Variants in GPC5 observed in about 807,000 individuals in gnomAD.
GPC5 encodes glypican 5.
A neutral mutation model predicts 53.9 loss-of-function variants in GPC5; 47 were observed. That is an observed-to-expected ratio of 0.87 (90% CI 0.69 to 1.11). The LOEUF (loss-of-function observed/expected upper bound fraction) is 1.11, where lower values mean the gene tolerates loss of function less well. GPC5 is among the 50% of genes most tolerant of loss of function. GPC5 has a pLI of 0.00. For synonymous variants in GPC5, 286 were observed against 263.3 expected, an observed-to-expected ratio of 1.09 and a Z score of -0.84; for missense variants, 748 against 713.1, an observed-to-expected ratio of 1.05 and a Z score of -0.56.
intron 7 of GPC5, among the ~76,000 whole-genome samples, chr13:92,209,184 CTG>C (rs1202263429): frequency 2.6e-5 from 4 of 152,186 alleles, no homozygotes; most frequent in Non-Finnish European, 5.9e-5. Flanking sequence ...GCTTAAATCT[CTG>C]TCAGTTATTT....
chr13:91,638,808 C>T (rs567565564), intron 2 of GPC5, among the ~76,000 whole-genome samples: 3 of 152,250 alleles, frequency 2.0e-5, no homozygotes, highest in African/African-American at 7.2e-5. Flanking sequence ...CGTTAGCTAA[C>T]GTATTATACC....
intron 2 of GPC5, among the ~76,000 whole-genome samples, chr13:91,501,855 T>C (rs890374639): frequency 3.3e-5 from 5 of 152,168 alleles, no homozygotes; most frequent in Non-Finnish European, 4.4e-5. Flanking sequence ...AGTTTACAGT[T>C]CCACCAACAG....
intron 7 of GPC5, among the ~76,000 whole-genome samples, chr13:92,462,975 A>G (rs1016820509): frequency 1.3e-5 from 2 of 152,124 alleles, no homozygotes; most frequent in African/African-American, 4.8e-5. Flanking sequence ...GTCAGAAAGC[A>G]TGGCAAAGAC....
At chr13:91,469,539 T>C (rs1198035605) in intron 2 of GPC5, among the ~76,000 whole-genome samples, 2 of 152,128 alleles carry the variant, frequency 1.3e-5, no homozygotes, top group African/African-American at 4.8e-5. Context: ...GTGCTAGTCT[T>C]ACAGGTGTGA....
At chr13:91,949,502 A>C (rs1370189662) in intron 6 of GPC5, among the ~76,000 whole-genome samples, 5 of 152,222 alleles carry the variant, frequency 3.3e-5, no homozygotes. Flanking sequence ...ATGGTTCAGG[A>C]GATACCTTTC....
At chr13:91,516,734 C>A (rs1219922944) in intron 2 of GPC5, among the ~76,000 whole-genome samples, 1 of 152,206 alleles carries the variant, frequency 6.6e-6, no homozygotes, top group Non-Finnish European at 1.5e-5. Flanking sequence ...TGCAGATGTT[C>A]TTCATGAGGG....
chr13:92,248,751 G>A (rs2042670916), intron 7 of GPC5, among the ~76,000 whole-genome samples: 2 of 152,090 alleles, frequency 1.3e-5, no homozygotes, highest in Non-Finnish European at 2.9e-5. Flanking sequence ...CTGAGTACAG[G>A]GTGAGGAGAT....
At chr13:92,482,488 A>T (rs1043846340) in intron 7 of GPC5, among the ~76,000 whole-genome samples, 6 of 152,306 alleles carry the variant, frequency 3.9e-5, no homozygotes, top group Middle Eastern at 3.4e-3. Flanking sequence ...AAAATCCTTA[A>T]GTGACTTACC....
chr13:92,792,986 G>C (rs773315233), intron 7 of GPC5, among the ~76,000 whole-genome samples: 1 of 151,940 alleles, frequency 6.6e-6, no homozygotes, highest in Non-Finnish European at 1.5e-5. Flanking sequence ...CGAGACAGAA[G>C]GTTATCAAGG....
At chr13:91,568,222 T>C (rs1297020019) in intron 2 of GPC5, among the ~76,000 whole-genome samples, 1 of 152,184 alleles carries the variant, frequency 6.6e-6, no homozygotes, top group South Asian at 2.1e-4. Context: ...TGCCTATTAA[T>C]GCCTTGCTTC....
At chr13:92,463,953 T>G (rs1878592528) in intron 7 of GPC5, among the ~76,000 whole-genome samples, 1 of 152,142 alleles carries the variant, frequency 6.6e-6, no homozygotes, top group African/African-American at 2.4e-5. Context: ...TTTTATTATT[T>G]TTGTCACATG....
At chr13:91,652,706 G>A (rs2034746079) in intron 2 of GPC5, among the ~76,000 whole-genome samples, 1 of 152,156 alleles carries the variant, frequency 6.6e-6, no homozygotes, top group African/African-American at 2.4e-5. Context: ...ATTTAATTTA[G>A]ATTCCAGTTG....
At chr13:92,794,221 G>T (rs1241166421) in intron 7 of GPC5, among the ~76,000 whole-genome samples, 4 of 152,080 alleles carry the variant, frequency 2.6e-5, no homozygotes, top group African/African-American at 9.7e-5. Context: ...ATGCAAGGTT[G>T]GTTCGACATA....
At chr13:92,299,364 G>A (rs143561720) in intron 7 of GPC5, among the ~76,000 whole-genome samples, 27 of 152,254 alleles carry the variant, frequency 1.8e-4, no homozygotes, top group Non-Finnish European at 3.2e-4. Context: ...GCCTTTGGTG[G>A]TTCATTATCT....
At chr13:92,790,329 GA>G (rs1321630601) in intron 7 of GPC5, among the ~76,000 whole-genome samples, 1 of 152,138 alleles carries the variant, frequency 6.6e-6, no homozygotes, top group African/African-American at 2.4e-5. Context: ...GGAGTCAAAA[GA>G]AGAGATAATT....
chr13:92,211,290 T>C (rs1009454298), intron 7 of GPC5, among the ~76,000 whole-genome samples: 2 of 152,218 alleles, frequency 1.3e-5, no homozygotes, highest in African/African-American at 4.8e-5. Flanking sequence ...ATATGTTTTC[T>C]AAAAGTCAGT....
At chr13:92,321,262 A>G (rs2043213571) in intron 7 of GPC5, among the ~76,000 whole-genome samples, 1 of 152,234 alleles carries the variant, frequency 6.6e-6, no homozygotes, top group Non-Finnish European at 1.5e-5. Flanking sequence ...ACTTTGAAAT[A>G]CATAAATTGG....
chr13:91,409,210 T>C (rs1205320874), intron 1 of GPC5, among the ~76,000 whole-genome samples: 1 of 152,132 alleles, frequency 6.6e-6, no homozygotes, highest in African/African-American at 2.4e-5. Flanking sequence ...GTCAATAAAA[T>C]GAAGAGATTA....
At chr13:92,854,560 A>C (rs1288017481) in intron 7 of GPC5, among the ~76,000 whole-genome samples, 1 of 151,880 alleles carries the variant, frequency 6.6e-6, no homozygotes, top group Non-Finnish European at 1.5e-5. Context: ...GATATGTAAT[A>C]TTTCACCTAA....
Sources: allele counts gnomAD v4.1 joint callset (sites outside exome capture counted in the v4.1 genomes callset), GRCh38; gene constraint gnomAD v4.1.1; transcripts MANE v1.5; gene names NCBI Gene and HGNC (gene_info 2026-07-23, HGNC 2026-07-21).